Variants in PCYOX1L observed in about 807,000 individuals in gnomAD.
The protein encoded by PCYOX1L is prenylcysteine oxidase 1-like.
A neutral mutation model predicts 44.1 loss-of-function variants in PCYOX1L; 40 were observed. The observed-to-expected ratio is 0.91, with a 90% CI of 0.70 to 1.18. The LOEUF is 1.18. PCYOX1L is among the 50% of genes most tolerant of loss of function. The probability of loss-of-function intolerance (pLI) is 0.00; values close to 1 mark genes in which losing one functional copy is unlikely to be tolerated. For synonymous variants in PCYOX1L, 266 were observed against 282.8 expected, an observed-to-expected ratio of 0.94 and a Z score of 0.60; for missense variants, 605 against 653.3, an observed-to-expected ratio of 0.93 and a Z score of 0.81.
chr5:149,364,640 G>C (rs1758139159), intron 3 of PCYOX1L: 1 of 156,590 alleles, frequency 6.4e-6, no homozygotes, highest in Non-Finnish European at 1.4e-5. Flanking sequence ...TCACTTTTCA[G>C]AAGAAGCTGG....
intron 4 of PCYOX1L, among the ~76,000 whole-genome samples, chr5:149,366,992 T>C (rs1273296909): frequency 6.6e-6 from 1 of 152,186 alleles, no homozygotes; most frequent in African/African-American, 2.4e-5. Flanking sequence ...TAGGACATTT[T>C]TATCACCCCA....
chr5:149,362,835 A>G lies in PCYOX1L; in HGVS notation c.287A>G (p.Lys96Arg), dbSNP rs780284306. The G allele has an allele frequency of 6.2e-7, 1 of 1,613,846 alleles. No individual in the cohort carries two copies. The highest frequency in any genetic ancestry group is 1.3e-5 in the African/African-American group (1 of 75,076). The change falls in exon 2 of 6, where the codon AAG (lysine) becomes AGG (arginine). Residue 96 changes from lysine (K) to arginine (R), a missense_variant. Transcript: ENST00000274569. ...AGCCTGCACATGCAGGACTTCGTCAAGCTGCTGGGTGAGTGGTCAGTCCTG... is the reference window on the plus strand; with the variant it reads ...AGCCTGCACATGCAGGACTTCGTCAGGCTGCTGGGTGAGTGGTCAGTCCTG... ...SLSLHMQDFVKLLGLRHRREV... is the reference protein window; with the variant it reads ...SLSLHMQDFVRLLGLRHRREV...
At chr5:149,358,895 G>A (rs1379577094) in intron 1 of PCYOX1L, among the ~76,000 whole-genome samples, 1 of 152,192 alleles carries the variant, frequency 6.6e-6, no homozygotes, top group Non-Finnish European at 1.5e-5. Flanking sequence ...GCCATTAACT[G>A]CTGCTATACT....
chr5:149,364,161 T>G lies in PCYOX1L; in HGVS notation c.421T>G (p.Phe141Val), dbSNP rs769323824. 2 of 1,614,008 alleles carry G rather than the reference T, an allele frequency of 1.2e-6. No homozygotes were observed. The highest frequency in any genetic ancestry group is 1.7e-5 in the Admixed American group (1 of 60,004). The change falls in exon 3 of 6, where the codon TTC (phenylalanine) becomes GTC (valine). Residue 141 changes from phenylalanine to valine, a missense_variant. Phe to Val is a conservative substitution (Grantham distance 50). Coordinates refer to ENST00000274569, the MANE Select transcript of PCYOX1L (RefSeq NM_024028.4). ...FRLWWHYGIS[F>V]LRLQMWVEEV... ...CCTCTGGTGGCACTATGGCATCAGCTTCCTGAGGCTGCAGATGTGGGTGGA... is the reference window on the plus strand; with the variant it reads ...CCTCTGGTGGCACTATGGCATCAGCGTCCTGAGGCTGCAGATGTGGGTGGA...
rs781655340 is a variant in PCYOX1L, at chr5:149,368,140, A to T, written c.971A>T (p.Asp324Val). 21 of 1,613,332 alleles carry T rather than the reference A, an allele frequency of 1.3e-5. 1 individual carries two copies. The highest frequency in any genetic ancestry group is 6.7e-5 in the Admixed American group (4 of 59,950). ...TFAGFHPPID[D>V]VQGSFQPTVV... ...GCAGGCTTCCACCCGCCCATTGATGACGTGCAGGGCTCTTTCCAGCCCACC... is the reference window on the plus strand; with the variant it reads ...GCAGGCTTCCACCCGCCCATTGATGTCGTGCAGGGCTCTTTCCAGCCCACC... The change falls in exon 6 of 6, where the codon GAC becomes GTC. Residue 324 changes from aspartate (D) to valine (V), a missense_variant. Asp to Val is a radical substitution (Grantham distance 152). Transcript: ENST00000274569.
rs1451811761 is a variant in PCYOX1L, at chr5:149,366,052, C to A, written c.581C>A (p.Ser194Tyr). The change falls in exon 4 of 6, where the codon TCC (serine) becomes TAC (tyrosine). Residue 194 changes from serine to tyrosine, a missense_variant. Transcript: ENST00000274569. Reference protein sequence around the residue: ...VNMTQHSVAESLLQVGVTQRF... With the variant: ...VNMTQHSVAEYLLQVGVTQRF... ...ATGACCCAGCACTCTGTGGCTGAGT[C>A]CCTGCTGCAGGTGGGCGTCACGCAG... 1.2e-6 allele frequency: 2 copies of A among 1,614,222 alleles called. No homozygotes were observed. The highest frequency in any genetic ancestry group is 1.7e-5 in the Admixed American group (1 of 60,032).
chr5:149,366,667 A>G (rs1287770552), intron 4 of PCYOX1L, among the ~76,000 whole-genome samples: 3 of 152,236 alleles, frequency 2.0e-5, no homozygotes, highest in Non-Finnish European at 4.4e-5. Context: ...ACAGTGCCTA[A>G]GTCATACTAG....
At chr5:149,365,163 A>G (rs1406560558) in intron 3 of PCYOX1L, 1 of 152,164 alleles carries the variant, frequency 6.6e-6, no homozygotes, top group Non-Finnish European at 1.5e-5. Context: ...TCTCTTTCTG[A>G]TATTTTTCTC....
chr5:149,358,468 C>T (rs1757916232), intron 1 of PCYOX1L, among the ~76,000 whole-genome samples: 1 of 152,176 alleles, frequency 6.6e-6, no homozygotes, highest in South Asian at 2.1e-4. Context: ...GCCCGGGTGA[C>T]AGAGGACAGA....
At chr5:149,362,886 G>T in intron 2 of PCYOX1L, 43 bp downstream of exon 2, 1 of 1,599,388 alleles carries the variant, frequency 6.3e-7, no homozygotes, top group Non-Finnish European at 8.5e-7. Context: ...GCGCCCTGGG[G>T]CTGGTGACAG....
In PCYOX1L at chr5:149,368,013, G is replaced by T; in HGVS notation, c.844G>T (p.Val282Leu). 6.5e-7 allele frequency: 1 copy of T among 1,542,892 alleles called. No homozygotes were observed. The highest frequency in any genetic ancestry group is 8.7e-7 in the Non-Finnish European group (1 of 1,148,190). ...HSTEGKALYQ[V>L]AYENEVGNSS... ...TCCAGAGGGGAAAGCCCTGTACCAG[G>T]TGGCGTATGAGAATGAGGTAGGCAA... Residue 282 changes from valine (V) to leucine (L), a missense_variant, in exon 6 of 6, where the codon GTG becomes TTG. Coordinates refer to ENST00000274569, the MANE Select transcript of PCYOX1L (RefSeq NM_024028.4).
At chr5:149,358,553 T>TG (rs11377119) in intron 1 of PCYOX1L, among the ~76,000 whole-genome samples, 82,244 of 151,980 alleles carry the variant, frequency 0.54, 23,341 homozygotes, top group African/African-American at 0.72. Flanking sequence ...TAGTTCCTGC[T>TG]GGGGTAGAGC....
chr5:149,358,842 A>G (rs1757929146), intron 1 of PCYOX1L, among the ~76,000 whole-genome samples: 1 of 152,218 alleles, frequency 6.6e-6, no homozygotes. Flanking sequence ...ATGTACAGCA[A>G]GAATTTTATA....
chr5:149,368,155 T>G lies in PCYOX1L; in HGVS notation c.986T>G (p.Phe329Cys). 6.2e-7 allele frequency: 1 copy of G among 1,613,622 alleles called. No individual in the cohort carries two copies. Among genetic ancestry groups the G allele is most frequent in the Non-Finnish European group, 8.5e-7 (1 of 1,179,714 alleles). Residue 329 changes from phenylalanine (F) to cysteine (C), a missense_variant, in exon 6 of 6, where the codon TTC (phenylalanine) becomes TGC (cysteine). Coordinates refer to ENST00000274569, the MANE Select transcript of PCYOX1L (RefSeq NM_024028.4). ...CCCATTGATGACGTGCAGGGCTCTT[T>G]CCAGCCCACCGTCGTCTCCTTGGTC... ...HPPIDDVQGS[F>C]QPTVVSLVHG...
chr5:149,363,843 T>TATTTTC (rs1284185513), intron 2 of PCYOX1L, 193 bp from the exon 3 acceptor site: 2 of 606,668 alleles, frequency 3.3e-6, no homozygotes, highest in African/African-American at 1.8e-5. Context: ...AATGTTACAT[T>TATTTTC]ATTTTCATTT....
chr5:149,365,861 TCCCAGGCACTATAA>T (rs1758178971), intron 3 of PCYOX1L, 67 bp from the exon 4 acceptor site: 1 of 1,380,752 alleles, frequency 7.2e-7, no homozygotes, highest in African/African-American at 1.4e-5. Context: ...CTGGTGGGCC[TCCCAGGCACTATAA>T]CCCAGGGGCA....
chr5:149,368,531 C>G lies in PCYOX1L; in HGVS notation c.1362C>G (p.Ser454Arg), dbSNP rs763396286. 4 of 1,609,624 alleles carry G rather than the reference C, an allele frequency of 2.5e-6. No individual in the cohort carries two copies. The highest frequency in any genetic ancestry group is 3.4e-6 in the Non-Finnish European group (4 of 1,177,934). The change falls in exon 6 of 6, where the codon AGC becomes AGG. Residue 454 changes from serine to arginine, a missense_variant. Physicochemically the swap from Ser to Arg is moderately radical, Grantham distance 110. Coordinates refer to ENST00000274569, the MANE Select transcript of PCYOX1L (RefSeq NM_024028.4). ...FYLNALEWAA[S>R]SVEVMAVAAK... ...TCAATGCCCTGGAGTGGGCGGCCAGCTCCGTGGAGGTGATGGCCGTGGCTG... is the reference window on the plus strand; with the variant it reads ...TCAATGCCCTGGAGTGGGCGGCCAGGTCCGTGGAGGTGATGGCCGTGGCTG...
intron 1 of PCYOX1L, 165 bp downstream of exon 1, chr5:149,358,321 T>G (rs1581363517): frequency 8.8e-7 from 1 of 1,142,490 alleles, no homozygotes; most frequent in Non-Finnish European, 1.1e-6. Context: ...GCAGGGAAGG[T>G]CCTGATGGGG....
intron 5 of PCYOX1L, among the ~76,000 whole-genome samples, 160 bp downstream of exon 5, chr5:149,367,660 G>A (rs183181070): frequency 4.5e-4 from 68 of 152,334 alleles, no homozygotes; most frequent in African/African-American, 1.5e-3. Context: ...ACTAGAGGGT[G>A]CTGTTTCCCC....
Sources: gnomAD v4.1 joint callset for allele counts (sites outside exome capture counted in the v4.1 genomes callset) on GRCh38, gnomAD v4.1.1 for gene constraint, MANE v1.5 for transcripts, NCBI Gene and HGNC (gene_info 2026-07-23, HGNC 2026-07-21) for gene names.